Variants in NOL4 observed in about 807,000 individuals in gnomAD.
The protein encoded by NOL4 is cancer/testis antigen 125.
Under a neutral mutation model 75.9 loss-of-function variants are expected in NOL4, and 17 were observed. The observed-to-expected ratio is 0.22, with a 90% confidence interval of 0.15 to 0.34. NOL4 has a LOEUF of 0.34. Among genes scored for constraint, NOL4 ranks in the 10% least tolerant of loss-of-function variants. NOL4 has a pLI of 1.00. For synonymous variants in NOL4, 292 were observed against 289.9 expected (o/e 1.01, Z -0.07); for missense variants, 614 against 793.5 (o/e 0.77, Z 2.72).
chr18:34,077,131 C>A (rs2077780337), intron 5 of NOL4, among the ~76,000 whole-genome samples: 1 of 151,952 alleles, frequency 6.6e-6, no homozygotes, highest in African/African-American at 2.4e-5. Context: ...CATGGTGAAA[C>A]CCGGTCTCTA....
At chr18:33,958,486 C>A in intron 6 of NOL4, 68 bp from the exon 7 acceptor site, 1 of 1,369,266 alleles carries the variant, frequency 7.3e-7, no homozygotes, top group South Asian at 1.6e-5. Flanking sequence ...TATGTTTCAT[C>A]TTTAATTTCA....
intron 9 of NOL4, among the ~76,000 whole-genome samples, chr18:33,902,421 C>T (rs28835371): frequency 0.78 from 118,890 of 152,058 alleles, 46,628 homozygotes; most frequent in African/African-American, 0.85. Context: ...CATCCAATTC[C>T]ATAACTTTTT....
chr18:34,037,906 ACTAAAAAG>A (rs1177228762), intron 5 of NOL4, among the ~76,000 whole-genome samples: 1 of 152,078 alleles, frequency 6.6e-6, no homozygotes, highest in African/African-American at 2.4e-5. Context: ...ATTATACTAA[ACTAAAAAG>A]CTCTACACAG....
At chr18:33,872,043 C>T (rs1022411862) in intron 10 of NOL4, among the ~76,000 whole-genome samples, 23 of 145,938 alleles carry the variant, frequency 1.6e-4, no homozygotes, top group African/African-American at 4.7e-4. Context: ...TAAGAATCAT[C>T]TCTCTGAATC....
chr18:34,090,018 T>C (rs1292785186), intron 5 of NOL4, among the ~76,000 whole-genome samples: 1 of 152,000 alleles, frequency 6.6e-6, no homozygotes, highest in African/African-American at 2.4e-5. Context: ...TAAATCAAGA[T>C]ACAGAAGAGC....
At chr18:34,127,042 A>T (rs989293989) in intron 2 of NOL4, among the ~76,000 whole-genome samples, 2 of 151,914 alleles carry the variant, frequency 1.3e-5, no homozygotes, top group African/African-American at 4.8e-5. Context: ...TGAAAAAAAA[A>T]TTATGATTGC....
intron 1 of NOL4, among the ~76,000 whole-genome samples, chr18:34,133,668 G>A (rs1189619415): frequency 6.6e-6 from 1 of 151,878 alleles, no homozygotes; most frequent in Non-Finnish European, 1.5e-5. Context: ...TTTGGAGTAA[G>A]GAAATGATAC....
chr18:33,946,935 C>T (rs1339136081), intron 8 of NOL4, among the ~76,000 whole-genome samples: 1 of 151,446 alleles, frequency 6.6e-6, no homozygotes, highest in South Asian at 2.1e-4. Context: ...AATACAGGAG[C>T]CAGGCAGAAA....
At chr18:34,141,607 T>A (rs1313434911) in intron 1 of NOL4, among the ~76,000 whole-genome samples, 1 of 152,188 alleles carries the variant, frequency 6.6e-6, no homozygotes, top group African/African-American at 2.4e-5. Flanking sequence ...TAATAAATGG[T>A]GCTGGGAAAA....
intron 9 of NOL4, among the ~76,000 whole-genome samples, chr18:33,929,718 C>T (rs1049866387): frequency 5.9e-5 from 9 of 152,152 alleles, no homozygotes; most frequent in African/African-American, 2.2e-4. Context: ...AAAATATCTG[C>T]CATATGATGA....
chr18:33,863,822 C>G (rs1265933928), intron 10 of NOL4, among the ~76,000 whole-genome samples: 1 of 152,194 alleles, frequency 6.6e-6, no homozygotes, highest in Non-Finnish European at 1.5e-5. Context: ...CCACACAGCC[C>G]TAATGGAGGT....
At chr18:33,950,148 C>T (rs1248093121) in intron 8 of NOL4, among the ~76,000 whole-genome samples, 4 of 151,422 alleles carry the variant, frequency 2.6e-5, no homozygotes, top group Non-Finnish European at 5.9e-5. Context: ...CTACCTATTC[C>T]CACTAATTGT....
At chr18:34,049,802 C>T (rs758429570) in intron 5 of NOL4, among the ~76,000 whole-genome samples, 3 of 152,194 alleles carry the variant, frequency 2.0e-5, no homozygotes, top group Non-Finnish European at 4.4e-5. Context: ...GTGCTGAGAG[C>T]GAACAGGACT....
At chr18:33,942,470 C>T (rs1423149719) in intron 9 of NOL4, among the ~76,000 whole-genome samples, 1 of 151,732 alleles carries the variant, frequency 6.6e-6, no homozygotes, top group Non-Finnish European at 1.5e-5. Context: ...AAAGAAACAT[C>T]GCCAATACAC....
intron 1 of NOL4, among the ~76,000 whole-genome samples, chr18:34,206,958 A>C (rs2036164262): frequency 6.6e-6 from 1 of 151,928 alleles, no homozygotes; most frequent in Non-Finnish European, 1.5e-5. Context: ...CATGAATTTT[A>C]AATTCATGGA....
At chr18:33,933,918 ATTTCCTTTTCCT>A in intron 9 of NOL4, among the ~76,000 whole-genome samples, 1 of 152,098 alleles carries the variant, frequency 6.6e-6, no homozygotes, top group South Asian at 2.1e-4. Flanking sequence ...AAGGTTTTCA[ATTTCCTTTTCCT>A]AATCCATCAG....
At chr18:34,177,221 C>T (rs2033632798) in intron 1 of NOL4, among the ~76,000 whole-genome samples, 1 of 151,788 alleles carries the variant, frequency 6.6e-6, no homozygotes, top group Admixed American at 6.6e-5. Context: ...TTGCAAACTA[C>T]TATATAGCAT....
chr18:33,964,702 CTG>C (rs1369748084), intron 6 of NOL4, among the ~76,000 whole-genome samples: 3 of 152,118 alleles, frequency 2.0e-5, no homozygotes, highest in African/African-American at 2.4e-5. Flanking sequence ...GCCCAGCAAT[CTG>C]TGTTTTAACA....
intron 5 of NOL4, among the ~76,000 whole-genome samples, chr18:34,037,640 T>C (rs954001691): frequency 6.6e-6 from 1 of 152,020 alleles, no homozygotes; most frequent in African/African-American, 2.4e-5. Context: ...TTGACAAAGA[T>C]ACAAAGAATA....
Sources: gnomAD v4.1 joint callset for allele counts (sites outside exome capture counted in the v4.1 genomes callset) on GRCh38, gnomAD v4.1.1 for gene constraint, MANE v1.5 for transcripts, NCBI Gene and HGNC (gene_info 2026-07-23, HGNC 2026-07-21) for gene names.